Variants in RNF150 observed in about 807,000 individuals in gnomAD.
RNF150 encodes ring finger protein 150.
RNF150 carries 24 observed loss-of-function variants against 39.3 expected under a neutral mutation model. The ratio of observed to expected loss-of-function variants is 0.61; its 90% CI spans 0.44 to 0.86. RNF150 has a LOEUF of 0.86. Ranked by LOEUF, RNF150 falls within the 40% of genes least tolerant of loss-of-function variation. The pLI, the probability that RNF150 is intolerant of heterozygous loss-of-function variation, is 0.00. For synonymous variants in RNF150, 255 were observed against 227.3 expected (o/e 1.12, Z -1.10); for missense variants, 502 against 587.8 (o/e 0.85, Z 1.51).
At chr4:141,030,570 G>A (rs1285495211) in intron 1 of RNF150, among the ~76,000 whole-genome samples, 1 of 152,112 alleles carries the variant, frequency 6.6e-6, no homozygotes, top group African/African-American at 2.4e-5. Flanking sequence ...TCCATTCATA[G>A]ATGAATAGAT....
At chr4:140,995,798 G>A (rs540348738) in intron 1 of RNF150, among the ~76,000 whole-genome samples, 1 of 152,270 alleles carries the variant, frequency 6.6e-6, no homozygotes, top group East Asian at 1.9e-4. Flanking sequence ...TGTTGCAAAT[G>A]ACAGGATATC....
At chr4:141,051,914 T>A (rs562613054) in intron 1 of RNF150, among the ~76,000 whole-genome samples, 3 of 152,146 alleles carry the variant, frequency 2.0e-5, no homozygotes, top group African/African-American at 4.8e-5. Context: ...GATAAAGACA[T>A]ACCTGAGGCT....
intron 1 of RNF150, among the ~76,000 whole-genome samples, chr4:141,202,272 T>TA (rs1370239426): frequency 4.6e-5 from 7 of 152,166 alleles, no homozygotes; most frequent in Admixed American, 1.3e-4. Flanking sequence ...TCACTGTTGT[T>TA]ACAGAATTCA....
intron 1 of RNF150, among the ~76,000 whole-genome samples, chr4:141,037,739 G>A (rs550979103): frequency 1.3e-3 from 199 of 152,204 alleles, no homozygotes; most frequent in Non-Finnish European, 2.5e-3. Flanking sequence ...CATTTTTCTT[G>A]GGAAAGCTGG....
chr4:140,992,320 T>A (rs974976243), intron 1 of RNF150, among the ~76,000 whole-genome samples: 7 of 152,034 alleles, frequency 4.6e-5, no homozygotes, highest in Non-Finnish European at 8.8e-5. Context: ...CTGTGAGCCA[T>A]GATCATGCCA....
intron 1 of RNF150, among the ~76,000 whole-genome samples, chr4:141,096,878 G>A (rs1311347985): frequency 1.3e-5 from 2 of 152,184 alleles, no homozygotes; most frequent in African/African-American, 4.8e-5. Context: ...CACCAGTGTT[G>A]TATTTCTTTT....
chr4:141,023,460 G>C (rs1047599894), intron 1 of RNF150, among the ~76,000 whole-genome samples: 5 of 151,686 alleles, frequency 3.3e-5, no homozygotes, highest in Non-Finnish European at 4.4e-5. Flanking sequence ...CTATATGTTG[G>C]CCAGGCTGGT....
At chr4:141,117,602 A>G (rs1160688552) in intron 1 of RNF150, among the ~76,000 whole-genome samples, 1 of 152,262 alleles carries the variant, frequency 6.6e-6, no homozygotes, top group Admixed American at 6.5e-5. Flanking sequence ...TCATACAACA[A>G]TAAAATTGCC....
At chr4:141,010,714 C>T (rs1292776475) in intron 1 of RNF150, among the ~76,000 whole-genome samples, 6 of 152,076 alleles carry the variant, frequency 3.9e-5, no homozygotes, top group African/African-American at 9.7e-5. Context: ...TCTATCCACA[C>T]CCGCCGCTAA....
At chr4:141,041,128 A>T (rs998164280) in intron 1 of RNF150, among the ~76,000 whole-genome samples, 3 of 152,158 alleles carry the variant, frequency 2.0e-5, no homozygotes. Flanking sequence ...TACTAAGCCT[A>T]CAGCAAAAAA....
chr4:141,129,485 G>A (rs1726838635), intron 1 of RNF150, among the ~76,000 whole-genome samples: 2 of 152,210 alleles, frequency 1.3e-5, no homozygotes, highest in South Asian at 2.1e-4. Flanking sequence ...GTGACTAGGA[G>A]TTGGGGAATA....
intron 1 of RNF150, among the ~76,000 whole-genome samples, chr4:141,021,376 A>C (rs550041721): frequency 2.0e-5 from 3 of 152,220 alleles, no homozygotes; most frequent in Non-Finnish European, 4.4e-5. Context: ...CAGTTGTACC[A>C]AACGGAAAAA....
intron 6 of RNF150, among the ~76,000 whole-genome samples, chr4:140,896,453 C>A (rs1042706251): frequency 2.1e-5 from 1 of 47,400 alleles, no homozygotes; most frequent in Non-Finnish European, 4.1e-5. Context: ...AACCAAACAC[C>A]GCATATTCTC....
intron 5 of RNF150, among the ~76,000 whole-genome samples, chr4:140,922,279 C>T (rs28896798): frequency 0.55 from 81,528 of 148,970 alleles, 22,837 homozygotes; most frequent in East Asian, 0.89. Context: ...AGTCTCAGGA[C>T]ATAAAATCAA....
intron 2 of RNF150, among the ~76,000 whole-genome samples, chr4:140,964,224 T>G (rs1733148648): frequency 6.6e-6 from 1 of 152,012 alleles, no homozygotes; most frequent in Non-Finnish European, 1.5e-5. Context: ...GACTCTGGAG[T>G]TCTGCTGCTG....
intron 1 of RNF150, among the ~76,000 whole-genome samples, chr4:141,035,661 C>T (rs1736113700): frequency 6.6e-6 from 1 of 152,104 alleles, no homozygotes; most frequent in Non-Finnish European, 1.5e-5. Context: ...TCTTCCTAAG[C>T]TTGTGAGTCT....
intron 1 of RNF150, among the ~76,000 whole-genome samples, chr4:141,060,442 A>C (rs1388566811): frequency 6.6e-6 from 1 of 152,184 alleles, no homozygotes; most frequent in Non-Finnish European, 1.5e-5. Context: ...CTCTGTCCCT[A>C]AAAAAACTAA....
Position 140,890,967 on chromosome 4 carries a change from A to T in RNF150, c.1198+20177T>A, listed in dbSNP as rs373986902. ...CCAGAAAATAAGTGTCAAATTAATA[A>T]GAGAAATGAAGAGGTGTAAAGTACC... On this transcript the variant is annotated intron_variant, in intron 6 of 6. Transcript: ENST00000515673. Among the ~76,000 whole-genome samples, 58 of 152,356 alleles carry T rather than the reference A, an allele frequency of 3.8e-4. No homozygotes were observed. In the East Asian group the frequency reaches 8.7e-3, roughly 23 times the overall value.
chr4:141,056,448 A>C (rs1578677388), intron 1 of RNF150, among the ~76,000 whole-genome samples: 2 of 152,224 alleles, frequency 1.3e-5, no homozygotes, highest in South Asian at 4.1e-4. Flanking sequence ...GGTCCTTAAA[A>C]GAGAAGGGTG....
Sources: allele counts gnomAD v4.1 joint callset (sites outside exome capture counted in the v4.1 genomes callset), GRCh38; gene constraint gnomAD v4.1.1; transcripts MANE v1.5; gene names NCBI Gene and HGNC (gene_info 2026-07-23, HGNC 2026-07-21).